The following ZNF281 variants were observed in gnomAD, a reference collection of about 807,000 sequenced individuals.
ZNF281 encodes GC-box-binding zinc finger protein 1.
ZNF281 carries 2 observed loss-of-function variants against 58.8 expected under a neutral mutation model. That is an observed-to-expected ratio of 0.03 (90% CI 0.01 to 0.11). ZNF281 has a LOEUF of 0.11. Among genes scored for constraint, ZNF281 ranks in the 10% least tolerant of loss-of-function variants. The pLI is 1.00. For synonymous variants in ZNF281, 465 were observed against 407.7 expected, an observed-to-expected ratio of 1.14 and a Z score of -1.69; for missense variants, 975 against 1,090.7, an observed-to-expected ratio of 0.89 and a Z score of 1.49.
rs760309808 is a variant in ZNF281, at chr1:200,408,376, C to A, written c.1330G>T (p.Val444Leu). Reference protein sequence around the residue: ...MQSYSVEMPTVSSSGGIIGTG... With the variant: ...MQSYSVEMPTLSSSGGIIGTG... ...CCAATTATGCCTCCACTGGAAGACA[C>A]GGTAGGCATTTCTACTGAGTAACTC... Residue 444 changes from valine (V) to leucine (L), a missense_variant, in exon 2 of 2, where the codon GTG becomes TTG. Physicochemically the swap from Val to Leu is conservative, Grantham distance 32. Around this residue, in one of 3 missense-constraint regions of ZNF281, gnomAD observed 579 missense variants for 608.9 expected, o/e 0.95. Coordinates refer to ENST00000367353, the MANE Select transcript of ZNF281 (RefSeq NM_001281293.2). 6.2e-7 allele frequency: 1 copy of A among 1,614,000 alleles called. No individual in the cohort carries two copies. Among genetic ancestry groups the A allele is most frequent in the Non-Finnish European group, 8.5e-7 (1 of 1,180,030 alleles).
Position 200,409,451 on chromosome 1 carries a change from G to T in ZNF281, c.255C>A (p.Ala85=). The T allele has an allele frequency of 6.5e-7, 1 of 1,533,394 alleles. No homozygotes were observed. Among genetic ancestry groups the T allele is most frequent in the Non-Finnish European group, 8.8e-7 (1 of 1,136,320 alleles). The allele number at this position is 1,533,394 out of a possible 1,614,324, so 95.0% of individuals were successfully genotyped here. Residue 85 remains alanine (A), a synonymous_variant, in exon 2 of 2, where the codon GCC becomes GCA. Coordinates refer to ENST00000367353, the MANE Select transcript of ZNF281 (RefSeq NM_001281293.2). ...GCGGAGGGGGGGGCTCAGCGGCCGGGGCTGCGGAGGTAGAGGAGGATAACA... is the reference window on the plus strand; with the variant it reads ...GCGGAGGGGGGGGCTCAGCGGCCGGTGCTGCGGAGGTAGAGGAGGATAACA... ...QCVLSSSTSA[A]PAAEPPPPPA... is the part of the protein sequence containing the mutation.
Position 200,407,063 on chromosome 1 carries a change from T to C in ZNF281, c.2643A>G (p.Pro881=), listed in dbSNP as rs1196703134. 2.5e-6 allele frequency: 4 copies of C among 1,614,106 alleles called. No homozygotes were observed. The East Asian group carries it at 6.7e-5, about 27-fold the overall frequency. The change falls in exon 2 of 2, where the codon CCA becomes CCG. Residue 881 remains proline (P), a synonymous_variant. Transcript: ENST00000367353. The part of the protein sequence containing the change: ...YTNMMSDVSE[P]CSTRVKTPTS... ...TGGGTGTCTTTACTCTTGTACTACA[T>C]GGCTCACTTACATCAGACATCATAT...
At position 200,405,162 on chromosome 1, in the gene ZNF281, C is replaced by T. The variant is rs535290065; in HGVS notation, c.*1856G>A. The T allele has an allele frequency of 4.6e-5, 7 of 152,504 alleles. No homozygotes were observed. Among genetic ancestry groups the T allele is most frequent in the Non-Finnish European group, 7.4e-5 (5 of 68,004 alleles). The allele number at this position is 152,504 out of a possible 1,614,324, so 9.4% of individuals were successfully genotyped here. ...GTACTCTGTACTCAATAGAACTTAC[C>T]GCACTTACTGAAATAAGAAATAAAC... On this transcript the variant is annotated 3_prime_UTR_variant, in exon 2 of 2. Coordinates refer to ENST00000367353, the MANE Select transcript of ZNF281 (RefSeq NM_001281293.2).
At position 200,409,437 on chromosome 1, in the gene ZNF281, G is replaced by A. The variant is rs531654724; in HGVS notation, c.269C>T (p.Pro90Leu). Residue 90 changes from proline to leucine, a missense_variant, in exon 2 of 2, where the codon CCC (proline) becomes CTC (leucine). By Grantham distance (98) the Pro-to-Leu change is moderately conservative. This residue lies in a region of ZNF281 where 370 missense variants were observed against 360.9 expected (regional missense o/e 1.03). Coordinates refer to ENST00000367353, the MANE Select transcript of ZNF281 (RefSeq NM_001281293.2). ...SSTSAAPAAE[P>L]PPPPAPDMTF... ...CATGTCCGGGGCTGGCGGAGGGGGG[G>A]GCTCAGCGGCCGGGGCTGCGGAGGT... 6.4e-5 allele frequency: 98 copies of A among 1,524,400 alleles called. No individual in the cohort carries two copies. The highest frequency in any genetic ancestry group is 2.4e-4 in the African/African-American group (17 of 72,332). The allele number at this position is 1,524,400 out of a possible 1,614,324, so 94.4% of individuals were successfully genotyped here.
rs1280272001 is a variant in ZNF281, at chr1:200,409,428, G to C, written c.278C>G (p.Pro93Arg). 1.3e-6 allele frequency: 2 copies of C among 1,522,002 alleles called. No individual in the cohort carries two copies. The highest frequency in any genetic ancestry group is 4.9e-5 in the East Asian group (2 of 40,618). 94.3% of individuals were successfully genotyped at this position (1,522,002 alleles called of 1,614,324 possible). Residue 93 changes from proline to arginine, a missense_variant, in exon 2 of 2, where the codon CCG becomes CGG. By Grantham distance (103) the Pro-to-Arg change is moderately radical. This residue lies in a region of ZNF281 where 370 missense variants were observed against 360.9 expected (regional missense o/e 1.03). Coordinates refer to ENST00000367353, the MANE Select transcript of ZNF281 (RefSeq NM_001281293.2). ...CTTGAAAGTCATGTCCGGGGCTGGC[G>C]GAGGGGGGGGCTCAGCGGCCGGGGC... ...SAAPAAEPPP[P>R]PAPDMTFKKE...
rs759348767 is a variant in ZNF281 at position 200,409,436 on chromosome 1, G to C, written c.270C>G (p.Pro90=). ...SSTSAAPAAE[P]PPPPAPDMTF... is the part of the protein sequence containing the mutation. ...TCATGTCCGGGGCTGGCGGAGGGGG[G>C]GGCTCAGCGGCCGGGGCTGCGGAGG... The change falls in exon 2 of 2, where the codon CCC becomes CCG. Residue 90 remains proline, a synonymous_variant. Coordinates refer to ENST00000367353, the MANE Select transcript of ZNF281 (RefSeq NM_001281293.2). The C allele has an allele frequency of 3.9e-6, 6 of 1,523,664 alleles. No individual in the cohort carries two copies. The African/African-American group carries it at 6.9e-5, about 18-fold the overall frequency. 94.4% of individuals were successfully genotyped at this position (1,523,664 alleles called of 1,614,324 possible).
rs969360874 is a variant in ZNF281, at chr1:200,405,572, A to T, written c.*1446T>A. ...AAAAATATAATCAGGAAAAAAATAC[A>T]ATTGCTAAAAAGCAGTTTTAGAGTA... On this transcript the variant is annotated 3_prime_UTR_variant, in exon 2 of 2. Transcript: ENST00000367353. The T allele has an allele frequency of 6.6e-6, 1 of 152,238 alleles. No individual in the cohort carries two copies. The highest frequency in any genetic ancestry group is 1.5e-5 in the Non-Finnish European group (1 of 68,044). 9.4% of individuals were successfully genotyped at this position (152,238 alleles called of 1,614,324 possible).
rs1384797765 is a variant in ZNF281, at chr1:200,405,997, TAGAA to T, written c.*1017_*1020del. The stretch of plus-strand genomic sequence containing the variant: ...GGTTCTAAAATTAAAACTGTTAAAA[TAGAA>T]AGAGGGAAAAGGAAGGCCCAAGAAC... On this transcript the variant is annotated 3_prime_UTR_variant, in exon 2 of 2. Transcript: ENST00000367353. 5.3e-5 allele frequency: 8 copies of T among 151,722 alleles called. No homozygotes were observed. The highest frequency in any genetic ancestry group is 1.7e-4 in the African/African-American group (7 of 41,260). The allele number at this position is 151,722 out of a possible 1,614,324, so 9.4% of individuals were successfully genotyped here.
rs778430690 is a variant in ZNF281, at chr1:200,407,579, T to G, written c.2127A>C (p.Gln709His). The G allele has an allele frequency of 6.2e-7, 1 of 1,614,230 alleles. No individual in the cohort carries two copies. The highest frequency in any genetic ancestry group is 8.5e-7 in the Non-Finnish European group (1 of 1,180,030). The change falls in exon 2 of 2, where the codon CAA becomes CAC. Residue 709 changes from glutamine to histidine, a missense_variant. Physicochemically the swap from Gln to His is conservative, Grantham distance 24 (BLOSUM62 0). Coordinates refer to ENST00000367353, the MANE Select transcript of ZNF281 (RefSeq NM_001281293.2). ...ACTCCAAAGGAGACGTAGTGTATAT[T>G]TGTTTTTCTGGAAACAAAGTGTGGT... ...LHNHTLFPEK[Q>H]IYTTSPLECG...
chr1:200,407,979 T>G lies in ZNF281; in HGVS notation c.1727A>C (p.Asp576Ala), dbSNP rs1654498958. 1 of 1,614,216 alleles carries G rather than the reference T, an allele frequency of 6.2e-7. No individual in the cohort carries two copies. The highest frequency in any genetic ancestry group is 1.1e-5 in the South Asian group (1 of 91,080). Residue 576 changes from aspartate to alanine, a missense_variant, in exon 2 of 2, where the codon GAC (aspartate) becomes GCC (alanine). Asp to Ala is a moderately radical substitution (Grantham distance 126). This residue lies in a region of ZNF281 where 579 missense variants were observed against 608.9 expected (regional missense o/e 0.95). Coordinates refer to ENST00000367353, the MANE Select transcript of ZNF281 (RefSeq NM_001281293.2). ...AATAAGTGACAATGGTGCCTCATTGTCCAAAACACTGACACCTGCAGACTG... is the reference window on the plus strand; with the variant it reads ...AATAAGTGACAATGGTGCCTCATTGGCCAAAACACTGACACCTGCAGACTG... ...VIQSAGVSVL[D>A]NEAPLSLIDS...
Position 200,409,552 on chromosome 1 carries a change from T to G in ZNF281, c.154A>C (p.Met52Leu). 6.5e-7 allele frequency: 1 copy of G among 1,549,264 alleles called. No homozygotes were observed. The highest frequency in any genetic ancestry group is 8.7e-7 in the Non-Finnish European group (1 of 1,146,656). Residue 52 changes from methionine (M) to leucine (L), a missense_variant, in exon 2 of 2, where the codon ATG becomes CTG. Physicochemically the swap from Met to Leu is conservative, Grantham distance 15. Coordinates refer to ENST00000367353, the MANE Select transcript of ZNF281 (RefSeq NM_001281293.2). ...MEPTFPQGMV[M>L]FNHRLPPVTS... The stretch of plus-strand genomic sequence containing the variant: ...ACCGGGGGAAGACGGTGGTTGAACA[T>G]AACCATACCCTGGGGAAAGGTGGGT...
In ZNF281 at chr1:200,409,145, T is replaced by A. The variant is rs182073571; in HGVS notation, c.561A>T (p.Gln187His). The change falls in exon 2 of 2, where the codon CAA becomes CAT. Residue 187 changes from glutamine (Q) to histidine (H), a missense_variant. By Grantham distance (24) the Gln-to-His change is conservative. Transcript: ENST00000367353. ...LSILHQHVQQ[Q>H]PAQHHRDVLL... ...ATACGTCACGGTGGTGCTGGGCTGG[T>A]TGCTGCTGGACATGCTGGTGGAGAA... is the stretch of plus-strand genomic sequence containing the variant. The A allele has an allele frequency of 7.6e-5, 122 of 1,614,096 alleles. No homozygotes were observed. The highest frequency in any genetic ancestry group is 1.0e-4 in the Non-Finnish European group (118 of 1,180,040).
chr1:200,408,233 T>G lies in ZNF281; in HGVS notation c.1473A>C (p.Gly491=). The change falls in exon 2 of 2, where the codon GGA becomes GGC. Residue 491 remains glycine, a synonymous_variant. Transcript: ENST00000367353. The part of the protein sequence containing the change: ...NFVSPLPDIV[G]QKSLSGKPSG... Reference sequence around the variant, plus strand: ...TTGGTTTTCCAGACAAGGATTTCTGTCCTACTATGTCTGGTAATGGTGACA... The same window carrying G: ...TTGGTTTTCCAGACAAGGATTTCTGGCCTACTATGTCTGGTAATGGTGACA... 1.2e-6 allele frequency: 2 copies of G among 1,612,360 alleles called. No homozygotes were observed. The highest frequency in any genetic ancestry group is 1.7e-6 in the Non-Finnish European group (2 of 1,180,022).
rs1031664188 is a variant in ZNF281, at chr1:200,405,142, CTG to C, written c.*1874_*1875del. The stretch of plus-strand genomic sequence containing the variant: ...CCATCCTTTGATTACAGCTTGTACT[CTG>C]TACTCAATAGAACTTACCGCACTTA... On this transcript the variant is annotated 3_prime_UTR_variant, in exon 2 of 2. Coordinates refer to ENST00000367353, the MANE Select transcript of ZNF281 (RefSeq NM_001281293.2). The C allele has an allele frequency of 1.3e-5, 2 of 152,498 alleles. No homozygotes were observed. The highest frequency in any genetic ancestry group is 4.8e-5 in the African/African-American group (2 of 41,454). 9.4% of individuals were successfully genotyped at this position (152,498 alleles called of 1,614,324 possible).
chr1:200,407,187 T>C lies in ZNF281; in HGVS notation c.2519A>G (p.Lys840Arg). The change falls in exon 2 of 2, where the codon AAG (lysine) becomes AGG (arginine). Residue 840 changes from lysine (K) to arginine (R), a missense_variant. Physicochemically the swap from Lys to Arg is conservative, Grantham distance 26 (BLOSUM62 2). Transcript: ENST00000367353. ...NFAQAFGSQF[K>R]SGSRVPMTFI... ...GGTCATTGGCACCCTGCTGCCCGAC[T>C]TAAACTGAGAACCAAACGCTTGTGC... The C allele has an allele frequency of 6.2e-7, 1 of 1,614,220 alleles. No homozygotes were observed. Among genetic ancestry groups the C allele is most frequent in the Non-Finnish European group, 8.5e-7 (1 of 1,180,024 alleles).
chr1:200,407,722 C>T lies in ZNF281; in HGVS notation c.1984G>A (p.Ala662Thr). Residue 662 changes from alanine to threonine, a missense_variant, in exon 2 of 2, where the codon GCA becomes ACA. Transcript: ENST00000367353. ...TTGGAGTATTCTTGCAACATACTTG[C>T]TTTATCATTTGAAGGTGTTTGGGTG... ...PGTQTPSNDK[A>T]SMLQEYSKYL... 6.2e-7 allele frequency: 1 copy of T among 1,614,110 alleles called. No homozygotes were observed. The highest frequency in any genetic ancestry group is 8.5e-7 in the Non-Finnish European group (1 of 1,180,020).
rs963251940 is a variant in ZNF281 at position 200,405,628 on chromosome 1, CAATT to C, written c.*1386_*1389del. 2 of 152,152 alleles carry C rather than the reference CAATT, an allele frequency of 1.3e-5. No homozygotes were observed. The highest frequency in any genetic ancestry group is 4.8e-5 in the African/African-American group (2 of 41,424). The allele number at this position is 152,152 out of a possible 1,614,324, so 9.4% of individuals were successfully genotyped here. On this transcript the variant is annotated 3_prime_UTR_variant, in exon 2 of 2. Coordinates refer to ENST00000367353, the MANE Select transcript of ZNF281 (RefSeq NM_001281293.2). ...ACTGCCAATCAGTAGCTTCAAATGGCAATTAGAGTTCATAGCAAGTTTTGATGAC... is the reference window on the plus strand; with the variant it reads ...ACTGCCAATCAGTAGCTTCAAATGGCAGAGTTCATAGCAAGTTTTGATGAC...
rs1392396955 is a variant in ZNF281 at position 200,408,916 on chromosome 1, C to A, written c.790G>T (p.Asp264Tyr). 2 of 1,614,160 alleles carry A rather than the reference C, an allele frequency of 1.2e-6. No individual in the cohort carries two copies. Among genetic ancestry groups the A allele is most frequent in the Non-Finnish European group, 1.7e-6 (2 of 1,180,062 alleles). Residue 264 changes from aspartate (D) to tyrosine (Y), a missense_variant, in exon 2 of 2, where the codon GAT becomes TAT. By Grantham distance (160) the Asp-to-Tyr change is radical. Coordinates refer to ENST00000367353, the MANE Select transcript of ZNF281 (RefSeq NM_001281293.2). ...CTTCGGAAAGCAGCACTACAGTGAT[C>A]ACAGATATGAGGTTTCTGACTTGGG... Reference protein sequence around the residue: ...LSPSQKPHICDHCSAAFRSSY... With the variant: ...LSPSQKPHICYHCSAAFRSSY...
rs374514167 is a variant in ZNF281 at position 200,409,760 on chromosome 1, A to C, written c.-18-37T>G. ...AGGAGGAAGAGGGAAGAGGGAGGAAAGGAGGTGGAACCGGGCCCCGGGCCG... is the reference window on the plus strand; with the variant it reads ...AGGAGGAAGAGGGAAGAGGGAGGAACGGAGGTGGAACCGGGCCCCGGGCCG... On this transcript the variant is annotated intron_variant, in intron 1 of 1. Coordinates refer to ENST00000367353, the MANE Select transcript of ZNF281 (RefSeq NM_001281293.2). The C allele has an allele frequency of 1.6e-3, 2,457 of 1,563,594 alleles. 28 individuals carry two copies. The African/African-American group carries it at 0.03, about 19-fold the overall frequency.
Sources: allele counts gnomAD v4.1 joint callset, GRCh38; gene constraint gnomAD v4.1.1; regional missense constraint gnomAD v4.1.1; transcripts MANE v1.5; gene names NCBI Gene and HGNC (gene_info 2026-07-23, HGNC 2026-07-21).